The following ARL13B variants were observed in gnomAD, a reference collection of about 807,000 sequenced individuals.
ARL13B encodes the protein ADP-ribosylation factor-like protein 13B.
ARL13B carries 36 observed loss-of-function variants against 56.1 expected under a neutral mutation model. That is an observed-to-expected ratio of 0.64 (90% CI 0.49 to 0.85). The LOEUF (loss-of-function observed/expected upper bound fraction) is 0.85. ARL13B is among the 40% of genes least tolerant of loss of function. The pLI is 0.00. For synonymous variants in ARL13B, 178 were observed against 171.1 expected (o/e 1.04, Z -0.32); for missense variants, 519 against 507.1 (o/e 1.02, Z -0.23).
chr3:94,028,308 C>G (rs2076599856), intron 3 of ARL13B: 1 of 152,116 alleles, frequency 6.6e-6, no homozygotes, highest in Non-Finnish European at 1.5e-5. Flanking sequence ...AACAGTGTAA[C>G]CAGATGTCAG....
intron 7 of ARL13B, among the ~76,000 whole-genome samples, chr3:94,043,988 C>T (rs1030591134): frequency 7.2e-5 from 11 of 151,886 alleles, no homozygotes; most frequent in African/African-American, 2.2e-4. Flanking sequence ...AGTGCAGTGG[C>T]GTGATCTCGG....
rs2077099687 is a variant in ARL13B at position 94,053,553 on chromosome 3, C to T, written c.*290C>T. ...TACATCCCCACTCATGAGCATACTT[C>T]TGAAGGAAAACTTTACAAAAAGAGC... is the stretch of plus-strand genomic sequence containing the variant. On this transcript the variant is annotated 3_prime_UTR_variant, in exon 10 of 10. Coordinates refer to ENST00000394222, the MANE Select transcript of ARL13B (RefSeq NM_001174150.2). 1.8e-6 allele frequency: 1 copy of T among 550,936 alleles called. No individual in the cohort carries two copies. The highest frequency in any genetic ancestry group is 3.4e-6 in the Non-Finnish European group (1 of 290,732). The allele number at this position is 550,936 out of a possible 1,614,324, so 34.1% of individuals were successfully genotyped here.
chr3:94,022,762 A>G (rs534444680), intron 3 of ARL13B, among the ~76,000 whole-genome samples: 6 of 152,228 alleles, frequency 3.9e-5, no homozygotes, highest in South Asian at 4.1e-4. Context: ...ACATAAATGT[A>G]TATTATGGTG....
intron 3 of ARL13B, among the ~76,000 whole-genome samples, chr3:94,034,159 T>C (rs532241407): frequency 6.6e-6 from 1 of 152,106 alleles, no homozygotes; most frequent in Non-Finnish European, 1.5e-5. Flanking sequence ...TTTTTTAATA[T>C]CTGGGTGAAG....
intron 3 of ARL13B, among the ~76,000 whole-genome samples, chr3:94,016,028 GTAA>G (rs1481789601): frequency 3.3e-5 from 5 of 152,018 alleles, no homozygotes; most frequent in Non-Finnish European, 5.9e-5. Flanking sequence ...TATTTTAGGA[GTAA>G]TAATGATATT....
At chr3:94,032,575 C>T (rs1378975479) in intron 3 of ARL13B, among the ~76,000 whole-genome samples, 1 of 152,038 alleles carries the variant, frequency 6.6e-6, no homozygotes, top group Non-Finnish European at 1.5e-5. Context: ...CGGCTCACTG[C>T]AAGCTCTGCC....
At chr3:94,015,833 C>T (rs1013794832) in intron 3 of ARL13B, among the ~76,000 whole-genome samples, 25 of 152,214 alleles carry the variant, frequency 1.6e-4, no homozygotes, top group African/African-American at 5.8e-4. Context: ...TCTGAATTAA[C>T]GTATTACTTG....
intron 4 of ARL13B, among the ~76,000 whole-genome samples, chr3:94,036,164 G>A (rs2076764136): frequency 6.6e-6 from 1 of 152,100 alleles, no homozygotes; most frequent in Non-Finnish European, 1.5e-5. Context: ...ATTTATTTTG[G>A]TTTCAAAAAA....
At chr3:94,003,594 T>C in intron 2 of ARL13B, 65 bp from the exon 3 acceptor site, 2 of 1,563,022 alleles carry the variant, frequency 1.3e-6, no homozygotes, top group East Asian at 2.3e-5. Flanking sequence ...AAAATTTTAG[T>C]TGAAAAATTA....
intron 4 of ARL13B, among the ~76,000 whole-genome samples, chr3:94,036,056 G>C (rs1178278679): frequency 6.6e-6 from 1 of 152,092 alleles, no homozygotes; most frequent in Non-Finnish European, 1.5e-5. Flanking sequence ...CTGGCCAACA[G>C]AATGAGACAC....
intron 3 of ARL13B, among the ~76,000 whole-genome samples, chr3:94,006,669 C>A (rs776678560): frequency 1.3e-5 from 2 of 151,998 alleles, no homozygotes; most frequent in Non-Finnish European, 1.5e-5. Context: ...CTTGTTATGA[C>A]CAGTGAAACA....
chr3:94,024,952 A>C (rs1451688411), intron 3 of ARL13B, among the ~76,000 whole-genome samples: 1 of 152,148 alleles, frequency 6.6e-6, no homozygotes, highest in Non-Finnish European at 1.5e-5. Context: ...ATAGTTTAAA[A>C]ATTTTTAAGA....
At chr3:93,998,259 C>T (rs1266495669) in intron 2 of ARL13B, among the ~76,000 whole-genome samples, 1 of 152,134 alleles carries the variant, frequency 6.6e-6, no homozygotes, top group Non-Finnish European at 1.5e-5. Context: ...GGAGCAGGCA[C>T]CTTAGAATGT....
Position 94,054,294 on chromosome 3 carries a change from G to C in ARL13B, c.*1031G>C, listed in dbSNP as rs1158764669. 1 of 444,312 alleles carries C rather than the reference G, an allele frequency of 2.3e-6. No individual in the cohort carries two copies. Among genetic ancestry groups the C allele is most frequent in the African/African-American group, 2.0e-5 (1 of 49,752 alleles). 27.5% of individuals were successfully genotyped at this position (444,312 alleles called of 1,614,324 possible). On this transcript the variant is annotated 3_prime_UTR_variant, in exon 10 of 10. Transcript: ENST00000394222. ...GAAACAGCTTGTGTACTAAAGTAAT[G>C]AGAATAAAAATGTTGGCCCAAAATT...
chr3:94,031,518 G>C (rs545051339), intron 3 of ARL13B, among the ~76,000 whole-genome samples: 1 of 152,108 alleles, frequency 6.6e-6, no homozygotes, highest in Non-Finnish European at 1.5e-5. Context: ...TGTACCAAAA[G>C]GGTCCAAGAG....
intron 3 of ARL13B, among the ~76,000 whole-genome samples, chr3:94,018,297 G>A (rs1048283266): frequency 9.2e-5 from 14 of 152,114 alleles, no homozygotes; most frequent in Admixed American, 8.5e-4. Flanking sequence ...TAATGATAGA[G>A]ATGGAGTAAA....
intron 3 of ARL13B, among the ~76,000 whole-genome samples, chr3:94,033,547 C>A (rs1203989332): frequency 6.6e-6 from 1 of 152,020 alleles, no homozygotes; most frequent in Non-Finnish European, 1.5e-5. Flanking sequence ...AGCAAGAATC[C>A]TGCTAGTAAA....
At chr3:94,031,861 A>G (rs1418283812) in intron 3 of ARL13B, among the ~76,000 whole-genome samples, 1 of 152,188 alleles carries the variant, frequency 6.6e-6, no homozygotes, top group Non-Finnish European at 1.5e-5. Context: ...ATGCTAGGAA[A>G]ATTCAATTGC....
intron 3 of ARL13B, among the ~76,000 whole-genome samples, chr3:94,024,739 C>T (rs566804070): frequency 6.6e-6 from 1 of 152,190 alleles, no homozygotes; most frequent in South Asian, 2.1e-4. Flanking sequence ...TTGCATGCCA[C>T]TGTGCTTGGC....
Sources: gnomAD v4.1 joint callset for allele counts (sites outside exome capture counted in the v4.1 genomes callset) on GRCh38, gnomAD v4.1.1 for gene constraint, MANE v1.5 for transcripts, NCBI Gene and HGNC (gene_info 2026-07-23, HGNC 2026-07-21) for gene names.